The following PRKCI variants were observed in gnomAD, a reference collection of about 807,000 sequenced individuals.
PRKCI encodes protein kinase C iota.
Under a neutral mutation model 84.0 loss-of-function variants are expected in PRKCI, and 43 were observed. That is an observed-to-expected ratio of 0.51 (90% CI 0.40 to 0.66). The LOEUF (loss-of-function observed/expected upper bound fraction) is 0.66. PRKCI is among the 30% of genes least tolerant of loss of function. The probability of loss-of-function intolerance (pLI) is 0.00; values close to 1 mark genes in which losing one functional copy is unlikely to be tolerated. For missense variants in PRKCI, 459 were observed against 745.6 expected (o/e 0.62, Z 4.48); for synonymous variants, 216 against 234.4 (o/e 0.92, Z 0.72).
chr3:170,228,294 TA>T lies in PRKCI; in HGVS notation c.101+5529del, dbSNP rs531059699. Among the ~76,000 whole-genome samples, 14 of 152,176 alleles carry T rather than the reference TA, an allele frequency of 9.2e-5. No individual in the cohort carries two copies. In the South Asian group the frequency reaches 2.9e-3, roughly 32 times the overall value. ...AAGGCAAGGCACTAAAACTAAATTTTAAAAATATAGAAATACAGAAAGAGGC... is the reference window on the plus strand; with the variant it reads ...AAGGCAAGGCACTAAAACTAAATTTTAAAATATAGAAATACAGAAAGAGGC... On this transcript the variant is annotated intron_variant, in intron 1 of 17. Coordinates refer to ENST00000295797, the MANE Select transcript of PRKCI (RefSeq NM_002740.6).
chr3:170,244,139 A>G (rs78072738), intron 2 of PRKCI, among the ~76,000 whole-genome samples: 2,392 of 152,334 alleles, frequency 0.016, 40 homozygotes, highest in East Asian at 0.085. Context: ...TGAGAAGAGC[A>G]TCTTTTGTTA....
At chr3:170,281,064 C>T in intron 9 of PRKCI, 102 bp from the exon 10 acceptor site, 2 of 845,728 alleles carry the variant, frequency 2.4e-6, no homozygotes, top group Admixed American at 2.3e-5. Context: ...TGATATTTAG[C>T]CTAGTTAACC....
intron 2 of PRKCI, among the ~76,000 whole-genome samples, chr3:170,249,124 A>C (rs930246195): frequency 1.1e-4 from 17 of 152,148 alleles, no homozygotes; most frequent in Non-Finnish European, 1.3e-4. Flanking sequence ...CTGGGATTAC[A>C]GGCATGAGCT....
At position 170,260,084 on chromosome 3, in the gene PRKCI, G is replaced by A. The variant is rs776455966; in HGVS notation, c.313+26G>A. 18 of 1,395,562 alleles carry A rather than the reference G, an allele frequency of 1.3e-5. No homozygotes were observed. The East Asian group carries it at 3.5e-4, about 27-fold the overall frequency. The allele number at this position is 1,395,562 out of a possible 1,614,324, so 86.4% of individuals were successfully genotyped here. On this transcript the variant is annotated intron_variant, in intron 3 of 17. Transcript: ENST00000295797. ...GTAAGAGAGTAGTCATTTCATACTC[G>A]TCCAGACTGATAATTTCTTTGAAAT... is the stretch of plus-strand genomic sequence containing the variant.
intron 12 of PRKCI, 178 bp from the exon 13 acceptor site, chr3:170,291,676 G>A (rs975726837): frequency 9.7e-6 from 5 of 517,902 alleles, no homozygotes; most frequent in Admixed American, 3.2e-5. Flanking sequence ...CAGCCTGGGC[G>A]ACAGAGCAAG....
At chr3:170,268,546 G>T (rs1733921090) in intron 5 of PRKCI, among the ~76,000 whole-genome samples, 1 of 150,294 alleles carries the variant, frequency 6.7e-6, no homozygotes, top group Non-Finnish European at 1.5e-5. Flanking sequence ...CTAGCTGTAA[G>T]AAAATTGAAT....
intron 1 of PRKCI, among the ~76,000 whole-genome samples, chr3:170,226,718 A>G (rs955634844): frequency 6.6e-6 from 1 of 152,212 alleles, no homozygotes; most frequent in Non-Finnish European, 1.5e-5. Context: ...TGTTTTTGAA[A>G]GAAATGCAAG....
At chr3:170,254,376 G>T (rs1733532683) in intron 2 of PRKCI, among the ~76,000 whole-genome samples, 1 of 152,074 alleles carries the variant, frequency 6.6e-6, no homozygotes, top group Non-Finnish European at 1.5e-5. Context: ...AGAATTACTT[G>T]CCTGGACCAG....
intron 1 of PRKCI, among the ~76,000 whole-genome samples, chr3:170,225,843 A>G (rs1389079118): frequency 6.6e-6 from 1 of 151,934 alleles, no homozygotes; most frequent in African/African-American, 2.4e-5. Context: ...GCTTGATCTC[A>G]GTGAAAACGT....
intron 9 of PRKCI, among the ~76,000 whole-genome samples, 153 bp from the exon 10 acceptor site, chr3:170,281,013 T>C (rs76134923): frequency 0.01 from 1,539 of 152,326 alleles, 32 homozygotes; most frequent in African/African-American, 0.035. Flanking sequence ...GTTATTTTTC[T>C]CTTTGTATGT....
At chr3:170,281,359 T>A in intron 10 of PRKCI, 96 bp downstream of exon 10, 1 of 926,238 alleles carries the variant, frequency 1.1e-6, no homozygotes, top group Non-Finnish European at 1.7e-6. Context: ...GAAGTTGATA[T>A]CATGGAGGAT....
At chr3:170,283,510 TTTG>T (rs937162519) in intron 11 of PRKCI, among the ~76,000 whole-genome samples, 4 of 152,248 alleles carry the variant, frequency 2.6e-5, no homozygotes, top group African/African-American at 9.6e-5. Context: ...TTTGGGTTTT[TTTG>T]TTGTTGTTTT....
chr3:170,272,425 T>C (rs750036689), intron 6 of PRKCI, among the ~76,000 whole-genome samples: 1 of 152,202 alleles, frequency 6.6e-6, no homozygotes, highest in East Asian at 1.9e-4. Context: ...AATCTTTAAT[T>C]AGTTCATATA....
chr3:170,286,357 A>AT (rs1056192378), intron 12 of PRKCI, among the ~76,000 whole-genome samples: 1 of 151,604 alleles, frequency 6.6e-6, no homozygotes, highest in African/African-American at 2.4e-5. Flanking sequence ...TTCCTAAGGG[A>AT]TTTTTTTCTC....
chr3:170,299,492 G>T (rs1156392739), intron 17 of PRKCI, among the ~76,000 whole-genome samples: 2 of 152,342 alleles, frequency 1.3e-5, no homozygotes, highest in African/African-American at 4.8e-5. Context: ...CTCTTAAAGT[G>T]CTGGGATTAC....
At chr3:170,248,758 A>C (rs1382636522) in intron 2 of PRKCI, among the ~76,000 whole-genome samples, 1 of 152,206 alleles carries the variant, frequency 6.6e-6, no homozygotes, top group African/African-American at 2.4e-5. Context: ...GATCTGGCTT[A>C]GGTTTTAACT....
At chr3:170,250,439 C>A (rs930480860) in intron 2 of PRKCI, among the ~76,000 whole-genome samples, 1 of 104,040 alleles carries the variant, frequency 9.6e-6, no homozygotes, top group Non-Finnish European at 1.9e-5. Context: ...CCAACCCCCC[C>A]CCCCCAAAAA....
chr3:170,237,665 C>T (rs1733014842), intron 2 of PRKCI, among the ~76,000 whole-genome samples: 1 of 152,170 alleles, frequency 6.6e-6, no homozygotes, highest in Admixed American at 6.5e-5. Flanking sequence ...TCATTTCTAT[C>T]TTCCCTGATA....
At chr3:170,226,477 A>G (rs141706301) in intron 1 of PRKCI, among the ~76,000 whole-genome samples, 2,374 of 152,314 alleles carry the variant, frequency 0.016, 56 homozygotes, top group African/African-American at 0.054. Context: ...GACTTTAACA[A>G]GGCAACATCT....
Sources: gnomAD v4.1 joint callset for allele counts (sites outside exome capture counted in the v4.1 genomes callset) on GRCh38, gnomAD v4.1.1 for gene constraint, MANE v1.5 for transcripts, NCBI Gene and HGNC (gene_info 2026-07-23, HGNC 2026-07-21) for gene names.